Variants in WDPCP observed in about 807,000 individuals in gnomAD.
WDPCP encodes the protein WD repeat-containing and planar cell polarity effector protein fritz homolog.
WDPCP carries 71 observed loss-of-function variants against 93.1 expected under a neutral mutation model. The observed-to-expected ratio is 0.76, with a 90% CI of 0.63 to 0.93. The LOEUF (loss-of-function observed/expected upper bound fraction) is 0.93, where lower values mean the gene tolerates loss of function less well. WDPCP is among the 40% of genes least tolerant of loss of function. The pLI, the probability that WDPCP is intolerant of heterozygous loss-of-function variation, is 0.00. For missense variants in WDPCP, 844 were observed against 887.4 expected (o/e 0.95, Z 0.62); for synonymous variants, 315 against 315.0 (o/e 1.00, Z 0.00).
chr2:63,779,956 C>T (rs919843139), intron 2 of WDPCP, among the ~76,000 whole-genome samples: 1 of 152,078 alleles, frequency 6.6e-6, no homozygotes, highest in African/African-American at 2.4e-5. Context: ...AGATGCCATC[C>T]TCATCTTTGA....
rs555632761 is a variant in WDPCP, at chr2:63,282,343, A to G, written c.1813-22934T>C. On this transcript the variant is annotated intron_variant, in intron 13 of 17. Transcript: ENST00000272321. ...AACATGGTGAAACCCTGTCTCTACTAAAAATACAAAAATTAGCTGGGCGTG... is the reference window on the plus strand; with the variant it reads ...AACATGGTGAAACCCTGTCTCTACTGAAAATACAAAAATTAGCTGGGCGTG... 2.6e-5 allele frequency among the ~76,000 whole-genome samples: 4 copies of G among 152,272 alleles called. No individual in the cohort carries two copies. The East Asian group carries it at 7.7e-4, about 29-fold the overall frequency.
intron 2 of WDPCP, among the ~76,000 whole-genome samples, chr2:63,671,725 T>G (rs1037094914): frequency 4.6e-5 from 7 of 152,136 alleles, no homozygotes; most frequent in Non-Finnish European, 1.0e-4. Context: ...TCTTTGCATA[T>G]TTAATCCCAA....
chr2:63,592,261 C>A (rs577755073), upstream of WDPCP, among the ~76,000 whole-genome samples: 2 of 152,176 alleles, frequency 1.3e-5, no homozygotes, highest in Non-Finnish European at 1.5e-5. Flanking sequence ...ATTTTGTTAG[C>A]TATAGTTGGA....
rs1392493045 is a variant in WDPCP at position 63,588,313 on chromosome 2, C to T, written c.-42G>A. ...GGGCAGAAGGTTCCTAGGCTAGGTC[C>T]TCGGACCCGAGAGGGAGCGACACGC... is the stretch of plus-strand genomic sequence containing the variant. On this transcript the variant is annotated 5_prime_UTR_variant, in exon 1 of 18. Coordinates refer to ENST00000272321, the MANE Select transcript of WDPCP (RefSeq NM_015910.7). 6.4e-7 allele frequency: 1 copy of T among 1,555,262 alleles called. No homozygotes were observed.
intron 1 of WDPCP, among the ~76,000 whole-genome samples, chr2:63,514,254 A>AT (rs909013082): frequency 2.4e-4 from 36 of 152,110 alleles, no homozygotes; most frequent in African/African-American, 7.0e-4. Flanking sequence ...GGCTATATGG[A>AT]TTTTTTTAAG....
intron 17 of WDPCP, among the ~76,000 whole-genome samples, chr2:63,138,026 T>C (rs902012989): frequency 3.0e-4 from 45 of 151,564 alleles, no homozygotes; most frequent in African/African-American, 1.0e-3. Flanking sequence ...TTTTTCTCCT[T>C]AGGATTTCCT....
rs561601649 is a variant in WDPCP, at chr2:63,167,136, G to A, written c.2078+7534C>T. Among the ~76,000 whole-genome samples the A allele has an allele frequency of 3.9e-5, 6 of 152,208 alleles. No individual in the cohort carries two copies. The South Asian group carries it at 8.3e-4, about 21-fold the overall frequency. Reference sequence around the variant, plus strand: ...AGTTTTATTGGACCACAGCCACATCGGTTCATTTATGTATTGTCTATGACT... The same window carrying A: ...AGTTTTATTGGACCACAGCCACATCAGTTCATTTATGTATTGTCTATGACT... On this transcript the variant is annotated intron_variant, in intron 15 of 17. Transcript: ENST00000272321.
Position 63,437,470 on chromosome 2 carries a change from G to T in WDPCP, c.584C>A (p.Ser195Tyr). ...CFIQFTKKME[S>Y]SDVNKRLEKL... ...TTCCAGTCTTTTGTTTACATCAGAA[G>T]ACTCCATCTTCTTGGTAAACTGAAT... Residue 195 changes from serine to tyrosine, a missense_variant, in exon 8 of 18, where the codon TCT (serine) becomes TAT (tyrosine). Transcript: ENST00000272321. The T allele has an allele frequency of 6.2e-7, 1 of 1,603,756 alleles. No individual in the cohort carries two copies. The highest frequency in any genetic ancestry group is 1.1e-5 in the South Asian group (1 of 88,710).
At chr2:63,369,170 G>T (rs1691179381) in intron 12 of WDPCP, 1 of 255,262 alleles carries the variant, frequency 3.9e-6, no homozygotes, top group East Asian at 8.1e-5. Flanking sequence ...CTGTAGCTTT[G>T]TAACAGAAGT....
At chr2:63,386,411 CAT>C (rs1692736273) in intron 10 of WDPCP, among the ~76,000 whole-genome samples, 1 of 151,248 alleles carries the variant, frequency 6.6e-6, no homozygotes, top group Non-Finnish European at 1.5e-5. Flanking sequence ...GATTTGAAGA[CAT>C]ACTTCATCAG....
rs1669525506 is a variant in WDPCP, at chr2:63,121,149, CAT to C, written c.*855_*856del. Among the ~76,000 whole-genome samples the C allele has an allele frequency of 6.6e-6, 1 of 152,038 alleles. No homozygotes were observed. Among genetic ancestry groups the C allele is most frequent in the African/African-American group, 2.4e-5 (1 of 41,408 alleles). On this transcript the variant is annotated 3_prime_UTR_variant, in exon 18 of 18. Transcript: ENST00000272321. ...TTCTGAGTTTAAAGAACTCAAATCT[CAT>C]ATAAAAGTTGATAAGCATGCCTGCC... is the stretch of plus-strand genomic sequence containing the variant.
chr2:63,302,206 T>C (rs893344451), intron 13 of WDPCP, among the ~76,000 whole-genome samples: 1 of 152,118 alleles, frequency 6.6e-6, no homozygotes, highest in Admixed American at 6.6e-5. Flanking sequence ...TGACCTCTCA[T>C]AGAAGGATGT....
At chr2:63,398,075 G>A (rs1646215005) in intron 10 of WDPCP, among the ~76,000 whole-genome samples, 1 of 152,160 alleles carries the variant, frequency 6.6e-6, no homozygotes, top group African/African-American at 2.4e-5. Flanking sequence ...TTGGACAAGA[G>A]GAAGGGATTC....
intron 14 of WDPCP, among the ~76,000 whole-genome samples, chr2:63,252,280 C>G (rs899791891): frequency 6.6e-6 from 1 of 152,162 alleles, no homozygotes; most frequent in African/African-American, 2.4e-5. Context: ...ATAGAAGGAA[C>G]AGACCTCAAA....
rs1156644300 is a variant in WDPCP, at chr2:63,386,012, A to T, written c.1436-3918T>A. 2.6e-5 allele frequency among the ~76,000 whole-genome samples: 4 copies of T among 152,016 alleles called. No individual in the cohort carries two copies. The East Asian group carries it at 7.7e-4, about 29-fold the overall frequency. On this transcript the variant is annotated intron_variant, in intron 10 of 17. Coordinates refer to ENST00000272321, the MANE Select transcript of WDPCP (RefSeq NM_015910.7). ...TTCTGACAATTGGTGCTGGAACAATAAATATTTATATTAAAAATTAATCTC... is the reference window on the plus strand; with the variant it reads ...TTCTGACAATTGGTGCTGGAACAATTAATATTTATATTAAAAATTAATCTC...
rs749575727 is a variant in WDPCP, at chr2:63,433,764, T to C, written c.806A>G (p.Tyr269Cys). The change falls in exon 9 of 18, where the codon TAT becomes TGT. Residue 269 changes from tyrosine (Y) to cysteine (C), a missense_variant. Tyr to Cys is a radical substitution (Grantham distance 194, BLOSUM62 -2). Transcript: ENST00000272321. ...KDRANLLLLG[Y>C]AQGRLEVLSS... is the part of the protein sequence containing the mutation. The stretch of plus-strand genomic sequence containing the variant: ...ATTTACCTCTAGTCTTCCTTGAGCA[T>C]AACCCAGGAGGAGTAGATTGGCTCT... The C allele has an allele frequency of 3.1e-6, 5 of 1,613,160 alleles. No homozygotes were observed. The African/African-American group carries it at 6.7e-5, about 22-fold the overall frequency.
intron 12 of WDPCP, among the ~76,000 whole-genome samples, chr2:63,313,886 A>ATGTGTGTGTATATATATATATATATATAT: frequency 4.0e-5 from 3 of 74,502 alleles, no homozygotes; most frequent in African/African-American, 1.5e-4. Flanking sequence ...ATATATATAT[A>ATGTGTGTGTATATATATATATATATATAT]TTTTTTTTTT....
chr2:63,416,082 C>G (rs1263507534), intron 9 of WDPCP, among the ~76,000 whole-genome samples: 2 of 152,140 alleles, frequency 1.3e-5, no homozygotes, highest in Admixed American at 1.3e-4. Flanking sequence ...TAAATTATCT[C>G]CTCAAAACAA....
At chr2:63,184,446 C>A (rs1282546091) in intron 14 of WDPCP, among the ~76,000 whole-genome samples, 1 of 151,916 alleles carries the variant, frequency 6.6e-6, no homozygotes, top group Non-Finnish European at 1.5e-5. Flanking sequence ...TGGGAAGTAC[C>A]TTATTTCTCC....
Sources: allele counts gnomAD v4.1 joint callset (sites outside exome capture counted in the v4.1 genomes callset), GRCh38; gene constraint gnomAD v4.1.1; transcripts MANE v1.5; gene names NCBI Gene and HGNC (gene_info 2026-07-23, HGNC 2026-07-21).